Variants in MYO16 observed in about 807,000 individuals in gnomAD.
MYO16 encodes the protein myosin XVI, also known as unconventional myosin-XVI.
In MYO16, 94 loss-of-function variants were observed where a neutral mutation model predicts 205.3. The observed-to-expected ratio is 0.46, with a 90% CI of 0.39 to 0.54. MYO16 has a LOEUF of 0.54. Ranked by LOEUF, MYO16 falls within the 20% of genes least tolerant of loss-of-function variation. MYO16 has a pLI of 0.00. For missense variants in MYO16, 2,315 were observed against 2,387.5 expected, an observed-to-expected ratio of 0.97 and a Z score of 0.63; for synonymous variants, 988 against 954.0, an observed-to-expected ratio of 1.04 and a Z score of -0.66.
chr13:108,979,921 T>TA (rs1884395918), intron 20 of MYO16, among the ~76,000 whole-genome samples: 1 of 152,158 alleles, frequency 6.6e-6, no homozygotes, highest in South Asian at 2.1e-4. Context: ...TCATTATTTT[T>TA]AAAAAAGTAT....
At chr13:108,953,302 G>T (rs767811530) in intron 16 of MYO16, among the ~76,000 whole-genome samples, 1 of 152,100 alleles carries the variant, frequency 6.6e-6, no homozygotes, top group Non-Finnish European at 1.5e-5. Flanking sequence ...ATTTTACTCG[G>T]CACAGTTATT....
the MYO16 span, among the ~76,000 whole-genome samples, chr13:108,534,311 G>A: frequency 6.6e-6 from 1 of 152,068 alleles, no homozygotes; most frequent in Admixed American, 6.6e-5. Context: ...TTGAAAGTGG[G>A]AAGTTTCATC....
intron 10 of MYO16, among the ~76,000 whole-genome samples, chr13:108,853,166 G>C (rs151030231): frequency 6.6e-6 from 1 of 152,342 alleles, no homozygotes; most frequent in Non-Finnish European, 1.5e-5. Context: ...TCTGAGAGCT[G>C]TCAGTCTAGG....
At chr13:109,051,519 T>G (rs1887245804) in intron 24 of MYO16, among the ~76,000 whole-genome samples, 1 of 152,124 alleles carries the variant, frequency 6.6e-6, no homozygotes. Flanking sequence ...AAAAACCACC[T>G]ACATTCAGAT....
intron 2 of MYO16, among the ~76,000 whole-genome samples, chr13:108,685,025 A>AG (rs538886241): frequency 1.4e-5 from 2 of 142,094 alleles, no homozygotes; most frequent in African/African-American, 5.3e-5. Context: ...AACCACCCCA[A>AG]TTTTTTTTTT....
intron 23 of MYO16, among the ~76,000 whole-genome samples, chr13:109,020,550 C>G (rs555059030): frequency 4.6e-4 from 70 of 152,298 alleles, no homozygotes; most frequent in Non-Finnish European, 8.8e-4. Context: ...CTCAGTGTTT[C>G]TGCATTTTCA....
chr13:108,756,670 A>G (rs1347125565), intron 4 of MYO16, among the ~76,000 whole-genome samples: 2 of 151,964 alleles, frequency 1.3e-5, no homozygotes, highest in East Asian at 1.9e-4. Flanking sequence ...AGGAATTCAC[A>G]TTTATTTTAA....
At chr13:108,856,950 A>G (rs529943088) in intron 11 of MYO16, among the ~76,000 whole-genome samples, 1 of 152,192 alleles carries the variant, frequency 6.6e-6, no homozygotes. Flanking sequence ...ACCACTTTTC[A>G]TGGAACAAAG....
intron 16 of MYO16, among the ~76,000 whole-genome samples, chr13:108,949,924 G>A (rs1456907986): frequency 4.0e-5 from 6 of 151,726 alleles, no homozygotes; most frequent in East Asian, 1.9e-4. Context: ...CAAAACAATC[G>A]AGTGGAGGAA....
chr13:108,523,546 C>T, the MYO16 span, among the ~76,000 whole-genome samples: 5 of 152,296 alleles, frequency 3.3e-5, no homozygotes, highest in African/African-American at 1.2e-4. Context: ...TTCCCACCAC[C>T]TTCCCATCTT....
At chr13:108,948,233 C>A (rs572804259) in intron 16 of MYO16, among the ~76,000 whole-genome samples, 1 of 152,176 alleles carries the variant, frequency 6.6e-6, no homozygotes, top group African/African-American at 2.4e-5. Flanking sequence ...TTAATTTTGC[C>A]TTATTTGGCT....
At chr13:108,724,527 C>A (rs1308145993) in intron 3 of MYO16, among the ~76,000 whole-genome samples, 1 of 152,280 alleles carries the variant, frequency 6.6e-6, no homozygotes. Flanking sequence ...TGGTTGAAAT[C>A]TACCATCTTC....
intron 33 of MYO16, among the ~76,000 whole-genome samples, chr13:109,176,540 G>A (rs1315172833): frequency 8.9e-6 from 1 of 112,200 alleles, no homozygotes; most frequent in Non-Finnish European, 1.7e-5. Flanking sequence ...AAAAGGTACT[G>A]CTTCTAATAC....
chr13:108,964,144 C>G (rs1006232685), intron 19 of MYO16, among the ~76,000 whole-genome samples: 4 of 152,200 alleles, frequency 2.6e-5, no homozygotes, highest in Admixed American at 6.5e-5. Flanking sequence ...CTCCCATTCA[C>G]ACTCAGCCCT....
At chr13:108,866,306 T>C (rs1345580673) in intron 12 of MYO16, 64 bp downstream of exon 12, 1 of 998,192 alleles carries the variant, frequency 1.0e-6, no homozygotes, top group Non-Finnish European at 1.4e-6. Context: ...CATACATGTT[T>C]GTATCAAATG....
chr13:108,586,260 A>G, the MYO16 span, among the ~76,000 whole-genome samples: 472 of 152,342 alleles, frequency 3.1e-3, 7 homozygotes, highest in South Asian at 0.05. Flanking sequence ...AATTAATATT[A>G]ACAAATAAAG....
intron 22 of MYO16, among the ~76,000 whole-genome samples, chr13:109,015,440 C>T (rs553554805): frequency 0.012 from 1,887 of 152,262 alleles, 39 homozygotes; most frequent in African/African-American, 0.043. Context: ...TGTTGTGTCT[C>T]TGCCAGGCTT....
chr13:109,018,828 C>G lies in MYO16; in HGVS notation c.2596-883C>G, dbSNP rs371077554. ...CAGCTCACCCTCCATGGGCTGCACC[C>G]ACTGTCCAACCAGTTCCAGTGAGAT... On this transcript the variant is annotated intron_variant, in intron 22 of 34. Transcript: ENST00000457511. Among the ~76,000 whole-genome samples the G allele has an allele frequency of 1.7e-3, 252 of 152,324 alleles. 10 individuals are homozygous for G. The South Asian group carries it at 0.05, about 30-fold the overall frequency.
intron 29 of MYO16, among the ~76,000 whole-genome samples, chr13:109,122,686 C>CAAAA (rs34459718): frequency 1.0e-5 from 1 of 99,088 alleles, no homozygotes; most frequent in African/African-American, 3.9e-5. Context: ...AACTCTGTCT[C>CAAAA]AAAAAAAAAA....
Sources: gnomAD v4.1 joint callset for allele counts (sites outside exome capture counted in the v4.1 genomes callset) on GRCh38, gnomAD v4.1.1 for gene constraint, MANE v1.5 for transcripts, NCBI Gene and HGNC (gene_info 2026-07-23, HGNC 2026-07-21) for gene names.